RPGRIP1: variants seen among roughly 807,000 people sequenced by gnomAD.
RPGRIP1 encodes the protein RPGR interacting protein 1.
In RPGRIP1, 128 loss-of-function variants were observed where a neutral mutation model predicts 157.9. The ratio of observed to expected loss-of-function variants is 0.81; its 90% confidence interval spans 0.70 to 0.94. The LOEUF is 0.94. Among genes scored for constraint, RPGRIP1 ranks in the 40% least tolerant of loss-of-function variants. The pLI is 0.00. For synonymous variants in RPGRIP1, 554 were observed against 571.6 expected (o/e 0.97, Z 0.44); for missense variants, 1,486 against 1,545.8 (o/e 0.96, Z 0.65).
chr14:21,311,865 G>A lies in RPGRIP1; in HGVS notation c.972G>A (p.Lys324=), dbSNP rs1189798381. ...ILSAAHEALL[K]QVNELRAELK... is the part of the protein sequence containing the mutation. ...GTGCAGCCCATGAGGCCCTCCTCAA[G>A]CAAGTGAATGAGCTCAGGGCAGAGC... is the stretch of plus-strand genomic sequence containing the variant. The change falls in exon 9 of 25, where the codon AAG becomes AAA. Residue 324 remains lysine, a synonymous_variant. Coordinates refer to ENST00000400017, the MANE Select transcript of RPGRIP1 (RefSeq NM_020366.4). 6 of 1,610,964 alleles carry A rather than the reference G, an allele frequency of 3.7e-6. No homozygotes were observed. The highest frequency in any genetic ancestry group is 5.1e-6 in the Non-Finnish European group (6 of 1,178,796).
At chr14:21,323,496 G>C (rs1320574832) in intron 14 of RPGRIP1, among the ~76,000 whole-genome samples, 1 of 151,900 alleles carries the variant, frequency 6.6e-6, no homozygotes, top group Admixed American at 6.6e-5. Flanking sequence ...GCGTGAGTCT[G>C]ATAAAAGATC....
chr14:21,340,321 A>T (rs1353665356), intron 21 of RPGRIP1, among the ~76,000 whole-genome samples: 1 of 152,242 alleles, frequency 6.6e-6, no homozygotes. Flanking sequence ...TGTGCCAGAC[A>T]TTATGCCAGG....
chr14:21,284,610 T>C (rs1451906693), intron 1 of RPGRIP1, among the ~76,000 whole-genome samples: 1 of 146,474 alleles, frequency 6.8e-6, no homozygotes, highest in Non-Finnish European at 1.5e-5. Context: ...AGTGGCACGA[T>C]CTCTGCTCAC....
chr14:21,318,092 G>GTTTTTGTTTGTTTGTT, intron 11 of RPGRIP1: 1 of 656,852 alleles, frequency 1.5e-6, no homozygotes, highest in Non-Finnish European at 2.8e-6. Context: ...GAAGATGCTA[G>GTTTTTGTTTGTTTGTT]TTTTTGTTTG....
chr14:21,300,939 G>C, intron 3 of RPGRIP1, 27 bp from the exon 4 acceptor site: 1 of 1,605,334 alleles, frequency 6.2e-7, no homozygotes, highest in South Asian at 1.1e-5. Context: ...CATGAAAGGA[G>C]AAGCCACGTG....
At chr14:21,289,745 G>A (rs1880445562) in intron 2 of RPGRIP1, among the ~76,000 whole-genome samples, 1 of 152,160 alleles carries the variant, frequency 6.6e-6, no homozygotes, top group South Asian at 2.1e-4. Flanking sequence ...GCTCACGCCT[G>A]TAATCCCAGC....
At chr14:21,331,088 T>C (rs1371158151) in intron 20 of RPGRIP1, among the ~76,000 whole-genome samples, 1 of 151,834 alleles carries the variant, frequency 6.6e-6, no homozygotes, top group Non-Finnish European at 1.5e-5. Flanking sequence ...TTTGTATTTT[T>C]AGTAGAGACA....
intron 21 of RPGRIP1, 39 bp downstream of exon 21, chr14:21,334,744 C>A (rs112154308): frequency 2.2e-6 from 3 of 1,342,942 alleles, no homozygotes; most frequent in South Asian, 2.5e-5. Context: ...CGAGATAAGA[C>A]GATAAATAAT....
At chr14:21,298,487 G>A (rs1880888316) in intron 3 of RPGRIP1, among the ~76,000 whole-genome samples, 1 of 152,072 alleles carries the variant, frequency 6.6e-6, no homozygotes, top group African/African-American at 2.4e-5. Context: ...GTGACAGAGT[G>A]AGATTCGGTC....
chr14:21,348,389 C>T (rs981556384), intron 24 of RPGRIP1, 87 bp downstream of exon 24: 32 of 1,032,858 alleles, frequency 3.1e-5, no homozygotes, highest in Non-Finnish European at 4.1e-5. Flanking sequence ...ATAATTATTA[C>T]TATGAAGTTG....
chr14:21,346,466 C>T (rs901285517), intron 23 of RPGRIP1, among the ~76,000 whole-genome samples: 2 of 152,086 alleles, frequency 1.3e-5, no homozygotes, highest in Non-Finnish European at 2.9e-5. Flanking sequence ...GCATGAGAAT[C>T]ATTTGAATTT....
intron 1 of RPGRIP1, among the ~76,000 whole-genome samples, chr14:21,286,598 C>T (rs1404406555): frequency 6.6e-6 from 1 of 151,134 alleles, no homozygotes; most frequent in Non-Finnish European, 1.5e-5. Flanking sequence ...AGTTCAAGAC[C>T]AGCCTGAGCA....
In RPGRIP1 at chr14:21,315,234, G is replaced by A. The variant is rs138716843; in HGVS notation, c.1152-2462G>A. Among the ~76,000 whole-genome samples the A allele has an allele frequency of 3.5e-3, 540 of 152,126 alleles. 2 individuals carry two copies. Among genetic ancestry groups the A allele is most frequent in the African/African-American group, 0.012 (502 of 41,520 alleles). ...AAAACTTAAAAGTGCCAGGCTGTGC[G>A]CGGTGGCTCATGCCTGTAATCCCAG... is the stretch of plus-strand genomic sequence containing the variant. On this transcript the variant is annotated intron_variant, in intron 10 of 24. Transcript: ENST00000400017.
chr14:21,303,519 G>A lies in RPGRIP1; in HGVS notation c.776G>A (p.Cys259Tyr). Reference sequence around the variant, plus strand: ...TTTGAACAGAGAAGCTCATTGGAGTGTGCTCAGAAGGCTGCAGAGCTTCGG... The same window carrying A: ...TTTGAACAGAGAAGCTCATTGGAGTATGCTCAGAAGGCTGCAGAGCTTCGG... ...ENFEQRSSLE[C>Y]AQKAAELRAS... The change falls in exon 6 of 25, where the codon TGT becomes TAT. Residue 259 changes from cysteine to tyrosine, a missense_variant. Coordinates refer to ENST00000400017, the MANE Select transcript of RPGRIP1 (RefSeq NM_020366.4). 6.2e-7 allele frequency: 1 copy of A among 1,613,786 alleles called. No individual in the cohort carries two copies. Among genetic ancestry groups the A allele is most frequent in the Non-Finnish European group, 8.5e-7 (1 of 1,179,812 alleles).
chr14:21,330,890 T>C (rs1883699937), intron 20 of RPGRIP1, among the ~76,000 whole-genome samples: 1 of 151,882 alleles, frequency 6.6e-6, no homozygotes, highest in South Asian at 2.1e-4. Flanking sequence ...AATGTTATTT[T>C]GCCCCAGGAT....
At chr14:21,350,636 C>T (rs139133973) in intron 24 of RPGRIP1, among the ~76,000 whole-genome samples, 81 of 152,256 alleles carry the variant, frequency 5.3e-4, no homozygotes, top group African/African-American at 1.8e-3. Context: ...ACGGGAATAA[C>T]AGCAGTCTCT....
rs930634456 is a variant in RPGRIP1 at position 21,309,916 on chromosome 14, C to G, written c.907-668C>G. ...ACCAGCCTGGCCAACATGGTGAAAC[C>G]CCGTCTCTACTAAAATACAAAAATT... On this transcript the variant is annotated intron_variant, in intron 7 of 24. Transcript: ENST00000400017. Among the ~76,000 whole-genome samples the G allele has an allele frequency of 3.1e-5, 4 of 127,826 alleles. No individual in the cohort carries two copies. In the South Asian group the frequency reaches 8.9e-4, roughly 28 times the overall value. The allele number at this position is 127,826 out of a possible 152,430, so 83.9% of individuals were successfully genotyped here. A position where few individuals can be genotyped will look rare whatever the true frequency, so the allele number is the denominator to read the frequency against.
At chr14:21,319,519 C>T (rs2139197693) in intron 11 of RPGRIP1, among the ~76,000 whole-genome samples, 2 of 152,184 alleles carry the variant, frequency 1.3e-5, no homozygotes, top group South Asian at 4.1e-4. Flanking sequence ...CAAGATCGCA[C>T]CACTGCACTC....
intron 3 of RPGRIP1, among the ~76,000 whole-genome samples, chr14:21,299,224 A>T (rs1009845198): frequency 1.3e-5 from 2 of 151,684 alleles, no homozygotes; most frequent in Admixed American, 6.6e-5. Flanking sequence ...CTGGTCTCGA[A>T]CTCCTGACCT....
Sources: allele counts gnomAD v4.1 joint callset (sites outside exome capture counted in the v4.1 genomes callset), GRCh38; gene constraint gnomAD v4.1.1; transcripts MANE v1.5; gene names NCBI Gene and HGNC (gene_info 2026-07-23, HGNC 2026-07-21).